AGO3: variants seen among roughly 807,000 people sequenced by gnomAD.
AGO3 encodes argonaute RISC catalytic component 3.
Under a neutral mutation model 105.5 loss-of-function variants are expected in AGO3, and 16 were observed. The ratio of observed to expected loss-of-function variants is 0.15; its 90% CI spans 0.10 to 0.23. The LOEUF (loss-of-function observed/expected upper bound fraction) is 0.23, where lower values mean the gene tolerates loss of function less well. AGO3 is among the 10% of genes least tolerant of loss of function. The pLI is 1.00. For synonymous variants in AGO3, 340 were observed against 367.3 expected, an observed-to-expected ratio of 0.93 and a Z score of 0.85; for missense variants, 534 against 1,088.0, an observed-to-expected ratio of 0.49 and a Z score of 7.16.
intron 9 of AGO3, among the ~76,000 whole-genome samples, chr1:36,009,932 C>CTTT (rs58385070): frequency 2.4e-4 from 14 of 58,226 alleles, no homozygotes; most frequent in Non-Finnish European, 3.0e-4. Context: ...TACTAAAATT[C>CTTT]TTTTTTTTTT....
chr1:36,014,086 G>C (rs749690055), intron 11 of AGO3, 38 bp downstream of exon 11: 1 of 1,612,482 alleles, frequency 6.2e-7, no homozygotes, highest in Admixed American at 1.7e-5. Flanking sequence ...GGACTTTTTT[G>C]TGTTTAGACT....
chr1:36,027,733 C>T lies in AGO3; in HGVS notation c.1591+435C>T, dbSNP rs1485907145. Among the ~76,000 whole-genome samples the T allele has an allele frequency of 6.7e-6, 1 of 150,208 alleles. No individual in the cohort carries two copies. The highest frequency in any genetic ancestry group is 1.5e-5 in the Non-Finnish European group (1 of 67,812). On this transcript the variant is annotated intron_variant, in intron 12 of 18. Transcript: ENST00000373191. This position sits in a 1 kb window ranked among gnomAD's most constrained non-coding sequence, Gnocchi z 4.0. ...GGTGGAGCTTGCAGTGAGCCGAGATCGCACCGGTGCACTCCAGCCTGGGCG... is the reference window on the plus strand; with the variant it reads ...GGTGGAGCTTGCAGTGAGCCGAGATTGCACCGGTGCACTCCAGCCTGGGCG...
rs1359109772 is a variant in AGO3, at chr1:36,064,554, A to T, written c.*8809A>T. The T allele has an allele frequency of 2.0e-5, 3 of 152,204 alleles. No homozygotes were observed. Among genetic ancestry groups the T allele is most frequent in the African/African-American group, 7.2e-5 (3 of 41,446 alleles). The allele number at this position is 152,204 out of a possible 1,614,324, so 9.4% of individuals were successfully genotyped here. A position where few individuals can be genotyped will look rare whatever the true frequency, so the allele number is the denominator to read the frequency against. ...TCCTCTGGGTTTTCAATTCTAAATT[A>T]TTGGAGCTCAATGTATGACATTTTA... On this transcript the variant is annotated 3_prime_UTR_variant, in exon 19 of 19. Coordinates refer to ENST00000373191, the MANE Select transcript of AGO3 (RefSeq NM_024852.4).
intron 14 of AGO3, 72 bp downstream of exon 14, chr1:36,036,339 A>G: frequency 4.4e-6 from 6 of 1,365,850 alleles, no homozygotes; most frequent in Non-Finnish European, 5.1e-6. Flanking sequence ...CAACTTTTTG[A>G]ATTTTAATAT....
chr1:35,980,569 G>A (rs1647035172), intron 5 of AGO3, among the ~76,000 whole-genome samples: 1 of 152,176 alleles, frequency 6.6e-6, no homozygotes, highest in Admixed American at 6.5e-5. Flanking sequence ...AATAAGGCCT[G>A]AGTTATCTGT....
intron 5 of AGO3, among the ~76,000 whole-genome samples, chr1:36,003,453 G>T (rs1640187762): frequency 6.6e-6 from 1 of 151,740 alleles, no homozygotes; most frequent in Non-Finnish European, 1.5e-5. Context: ...CCAGCACTTT[G>T]GGAGGCTGAG....
chr1:36,012,516 T>C (rs2148817950), intron 9 of AGO3, among the ~76,000 whole-genome samples: 1 of 152,254 alleles, frequency 6.6e-6, no homozygotes, highest in East Asian at 1.9e-4. Flanking sequence ...CTGGCTTTCT[T>C]ATCTGTCTTT....
In AGO3 at chr1:36,012,929, A is replaced by G. The variant is rs188110520; in HGVS notation, c.1150-701A>G. ...TTAAAAAAAAAAAAGTTTTATTATC[A>G]TTTTCATGGATTTTTTTTTTCTTTT... On this transcript the variant is annotated intron_variant, in intron 9 of 18. Transcript: ENST00000373191. Among the ~76,000 whole-genome samples, 795 of 150,822 alleles carry G rather than the reference A, an allele frequency of 5.3e-3. 5 individuals carry two copies. The highest frequency in any genetic ancestry group is 0.018 in the African/African-American group (755 of 41,100).
chr1:35,973,760 A>G (rs1159167222), intron 5 of AGO3, among the ~76,000 whole-genome samples: 10 of 152,178 alleles, frequency 6.6e-5, no homozygotes, highest in Admixed American at 6.5e-4. Flanking sequence ...TGATTATCTG[A>G]GCAATCTTCT....
chr1:35,990,433 G>A (rs1442383938), intron 5 of AGO3, among the ~76,000 whole-genome samples: 2 of 152,104 alleles, frequency 1.3e-5, no homozygotes, highest in East Asian at 1.9e-4. Flanking sequence ...GCGTGAACCC[G>A]GGAGGCGGAG....
chr1:35,951,088 T>C (rs1024782413), intron 2 of AGO3, among the ~76,000 whole-genome samples: 2 of 151,982 alleles, frequency 1.3e-5, no homozygotes, highest in African/African-American at 4.8e-5. Flanking sequence ...TCCCGAGTAG[T>C]TGGGATTACA....
At chr1:35,962,553 AAAAAGAGAAAGAAAG>A (rs1056378746) in intron 2 of AGO3, among the ~76,000 whole-genome samples, 17 of 152,186 alleles carry the variant, frequency 1.1e-4, no homozygotes, top group African/African-American at 4.1e-4. Context: ...AAAAAAAAAA[AAAAAGAGAAAGAAAG>A]AAAACATCTT....
At position 36,039,995 on chromosome 1, in the gene AGO3, T is replaced by G; in HGVS notation, c.2037+11T>G. The G allele has an allele frequency of 6.2e-7, 1 of 1,602,254 alleles. No individual in the cohort carries two copies. Among genetic ancestry groups the G allele is most frequent in the South Asian group, 1.1e-5 (1 of 90,030 alleles). On this transcript the variant is annotated intron_variant, in intron 15 of 18. Coordinates refer to ENST00000373191, the MANE Select transcript of AGO3 (RefSeq NM_024852.4). ...GGGCAGTTTAGGCAGGTTGGTTACCTAGAATCTCATCAGACTATGGTGAAA... is the reference window on the plus strand; with the variant it reads ...GGGCAGTTTAGGCAGGTTGGTTACCGAGAATCTCATCAGACTATGGTGAAA...
At chr1:35,981,455 T>G (rs895981088) in intron 5 of AGO3, among the ~76,000 whole-genome samples, 5 of 152,136 alleles carry the variant, frequency 3.3e-5, no homozygotes, top group Admixed American at 1.3e-4. Flanking sequence ...CTCAGTAACT[T>G]AAGGGGTTTA....
rs535470161 is a variant in AGO3 at position 36,067,832 on chromosome 1, A to G, written c.*12087A>G. 1 of 152,360 alleles carries G rather than the reference A, an allele frequency of 6.6e-6. No homozygotes were observed. Among genetic ancestry groups the G allele is most frequent in the Admixed American group, 6.5e-5 (1 of 15,300 alleles). The allele number at this position is 152,360 out of a possible 1,614,324, so 9.4% of individuals were successfully genotyped here. ...CAGAGTGAGACTCCGTCTCAAAAAA[A>G]AAAAAAAGAAGGAATAGGAAAAGGA... On this transcript the variant is annotated 3_prime_UTR_variant, in exon 19 of 19. Coordinates refer to ENST00000373191, the MANE Select transcript of AGO3 (RefSeq NM_024852.4).
rs1232896168 is a variant in AGO3 at position 36,039,332 on chromosome 1, A to G, written c.1843-458A>G. 3.3e-5 allele frequency among the ~76,000 whole-genome samples: 5 copies of G among 151,932 alleles called. No individual in the cohort carries two copies. The East Asian group carries it at 7.7e-4, about 24-fold the overall frequency. ...AACATGGTGAAACCCCATCTCTACTAAAAATACAAAAATTAGCTGGGGGTG... is the reference window on the plus strand; with the variant it reads ...AACATGGTGAAACCCCATCTCTACTGAAAATACAAAAATTAGCTGGGGGTG... On this transcript the variant is annotated intron_variant, in intron 14 of 18. Transcript: ENST00000373191.
In AGO3 at chr1:36,027,774, G is replaced by A. The variant is rs547592037; in HGVS notation, c.1591+476G>A. Among the ~76,000 whole-genome samples the A allele has an allele frequency of 4.4e-4, 64 of 144,840 alleles. No homozygotes were observed. Among genetic ancestry groups the A allele is most frequent in the African/African-American group, 1.5e-3 (58 of 39,088 alleles). ...AGCCTGGGCGACAGAGCGAAAGTCCGTCTCAAAAAAAAAAAAAAAGGGTTT... is the reference window on the plus strand; with the variant it reads ...AGCCTGGGCGACAGAGCGAAAGTCCATCTCAAAAAAAAAAAAAAAGGGTTT... On this transcript the variant is annotated intron_variant, in intron 12 of 18. Coordinates refer to ENST00000373191, the MANE Select transcript of AGO3 (RefSeq NM_024852.4). The surrounding 1 kb of genome is among the most constrained non-coding windows in gnomAD (Gnocchi z 4.0).
In AGO3 at chr1:36,064,802, A is replaced by G. The variant is rs1267266534; in HGVS notation, c.*9057A>G. 1 of 152,224 alleles carries G rather than the reference A, an allele frequency of 6.6e-6. No homozygotes were observed. Among genetic ancestry groups the G allele is most frequent in the African/African-American group, 2.4e-5 (1 of 41,454 alleles). 9.4% of individuals were successfully genotyped at this position (152,224 alleles called of 1,614,324 possible). A position where few individuals can be genotyped will look rare whatever the true frequency, so the allele number is the denominator to read the frequency against. ...AGATACTTCAGCCCCGCACACATCA[A>G]GTACTAATTGTATACAGATAGTACA... On this transcript the variant is annotated 3_prime_UTR_variant, in exon 19 of 19. Transcript: ENST00000373191.
intron 1 of AGO3, among the ~76,000 whole-genome samples, chr1:35,932,960 G>A (rs1646081198): frequency 7.1e-6 from 1 of 141,086 alleles, no homozygotes; most frequent in Non-Finnish European, 1.5e-5. Flanking sequence ...ATGATATTGT[G>A]CCCATATATA....
Sources: allele counts gnomAD v4.1 joint callset (sites outside exome capture counted in the v4.1 genomes callset), GRCh38; gene constraint gnomAD v4.1.1; non-coding constraint Gnocchi (gnomAD v3.1); transcripts MANE v1.5; gene names NCBI Gene and HGNC (gene_info 2026-07-23, HGNC 2026-07-21).